Variants in CPLANE1 observed in about 807,000 individuals in gnomAD.
CPLANE1 encodes the protein ciliogenesis and planar polarity effector 1.
CPLANE1 carries 263 observed loss-of-function variants against 362.5 expected under a neutral mutation model. That is an observed-to-expected ratio of 0.73 (90% confidence interval 0.66 to 0.80). The LOEUF (loss-of-function observed/expected upper bound fraction) is 0.80, where lower values mean the gene tolerates loss of function less well. Among genes scored for constraint, CPLANE1 ranks in the 30% least tolerant of loss-of-function variants. CPLANE1 has a pLI of 0.00. For missense variants in CPLANE1, 3,461 were observed against 3,793.4 expected (o/e 0.91, Z 2.30); for synonymous variants, 1,212 against 1,302.6 (o/e 0.93, Z 1.50).
At chr5:37,155,185 TC>T (rs1347954950) in intron 41 of CPLANE1, among the ~76,000 whole-genome samples, 1 of 152,196 alleles carries the variant, frequency 6.6e-6, no homozygotes, top group Admixed American at 6.6e-5. Flanking sequence ...GAAATCATGT[TC>T]CTTTTCTGTC....
At chr5:37,177,264 T>C (rs1049806854) in intron 30 of CPLANE1, among the ~76,000 whole-genome samples, 3 of 152,184 alleles carry the variant, frequency 2.0e-5, no homozygotes, top group Admixed American at 2.0e-4. Context: ...TATACATACA[T>C]AAAATAATTT....
In CPLANE1 at chr5:37,181,019, T is replaced by C. The variant is rs765729071; in HGVS notation, c.5422-14A>G. On this transcript the variant is annotated splice_polypyrimidine_tract_variant and intron_variant, in intron 26 of 52. Transcript: ENST00000651892. ...ATTCTCTACCATCTAAAGCAAACCATTTAAAGTATTTAGTATTTATTGAAC... is the reference window on the plus strand; with the variant it reads ...ATTCTCTACCATCTAAAGCAAACCACTTAAAGTATTTAGTATTTATTGAAC... 2.5e-6 allele frequency: 4 copies of C among 1,607,326 alleles called. 1 individual carries two copies. Among genetic ancestry groups the C allele is most frequent in the South Asian group, 2.2e-5 (2 of 90,608 alleles).
Position 37,170,467 on chromosome 5 carries a change from G to A in CPLANE1, c.6172-136C>T, listed in dbSNP as rs1779471510. On this transcript the variant is annotated intron_variant, in intron 32 of 52. Transcript: ENST00000651892. ...CTATGAGAATCATGAATGCTGAGCAGGAGGCAGTCAGGGAAATTTTTTTTT... is the reference window on the plus strand; with the variant it reads ...CTATGAGAATCATGAATGCTGAGCAAGAGGCAGTCAGGGAAATTTTTTTTT... 15 of 956,730 alleles carry A rather than the reference G, an allele frequency of 1.6e-5. No homozygotes were observed. In the South Asian group the frequency reaches 2.7e-4, roughly 17 times the overall value. The allele number at this position is 956,730 out of a possible 1,614,324, so 59.3% of individuals were successfully genotyped here.
At chr5:37,222,443 A>G (rs1389944813) in intron 14 of CPLANE1, among the ~76,000 whole-genome samples, 1 of 152,150 alleles carries the variant, frequency 6.6e-6, no homozygotes, top group Non-Finnish European at 1.5e-5. Flanking sequence ...CAGAAAAACT[A>G]AAGGAGCCTG....
intron 36 of CPLANE1, among the ~76,000 whole-genome samples, chr5:37,164,884 C>G (rs146680927): frequency 6.6e-6 from 1 of 152,148 alleles, no homozygotes; most frequent in African/African-American, 2.4e-5. Context: ...GTGGAAGGAT[C>G]ACTTGAGGTC....
chr5:37,181,170 T>A (rs528966872), intron 26 of CPLANE1, among the ~76,000 whole-genome samples, 165 bp from the exon 27 acceptor site: 2 of 152,336 alleles, frequency 1.3e-5, no homozygotes, highest in African/African-American at 4.8e-5. Context: ...GAAGCAATGA[T>A]CAAGTCTTTA....
At chr5:37,090,060 T>C in the CPLANE1 span, among the ~76,000 whole-genome samples, 38 of 152,216 alleles carry the variant, frequency 2.5e-4, no homozygotes, top group Non-Finnish European at 4.9e-4. Flanking sequence ...CTTGGAAATA[T>C]CTTGGGTACG....
the CPLANE1 span, among the ~76,000 whole-genome samples, chr5:37,076,929 C>A: frequency 6.6e-6 from 1 of 150,544 alleles, no homozygotes; most frequent in Admixed American, 6.6e-5. Flanking sequence ...GTAGGCTCTA[C>A]TCTGGGCAGT....
intron 51 of CPLANE1, among the ~76,000 whole-genome samples, chr5:37,109,776 C>G (rs1321974584): frequency 6.6e-6 from 1 of 152,200 alleles, no homozygotes; most frequent in African/African-American, 2.4e-5. Context: ...CCTGCCTCAG[C>G]CTCCCAAGTA....
At chr5:37,115,185 C>T in intron 50 of CPLANE1, 136 bp from the exon 51 acceptor site, 1 of 624,890 alleles carries the variant, frequency 1.6e-6, no homozygotes, top group Non-Finnish European at 2.8e-6. Context: ...AGTAGGGGCC[C>T]AGTAAATGGT....
At chr5:37,176,825 C>T (rs1781281699) in intron 30 of CPLANE1, among the ~76,000 whole-genome samples, 1 of 148,804 alleles carries the variant, frequency 6.7e-6, no homozygotes, top group Non-Finnish European at 1.5e-5. Flanking sequence ...GTGGCCTGAT[C>T]TCGGCTCACT....
At chr5:37,172,626 G>GTT (rs1459928127) in intron 32 of CPLANE1, among the ~76,000 whole-genome samples, 1 of 152,176 alleles carries the variant, frequency 6.6e-6, no homozygotes, top group Non-Finnish European at 1.5e-5. Flanking sequence ...ATTAGTTTCA[G>GTT]TAAGTTTCAT....
chr5:37,125,293 G>C lies in CPLANE1; in HGVS notation c.8909C>G (p.Ala2970Gly). The C allele has an allele frequency of 1.2e-6, 2 of 1,613,842 alleles. No individual in the cohort carries two copies. Among genetic ancestry groups the C allele is most frequent in the South Asian group, 2.2e-5 (2 of 91,056 alleles). ...ATCATGTTCTTGCCCTCTCTTTTCT[G>C]CCAGCTCATTTAAGTACTTTGCCAT... is the stretch of plus-strand genomic sequence containing the variant. ...ERMAKYLNEL[A>G]EKRGQEHDPF... Residue 2970 changes from alanine (A) to glycine (G), a missense_variant, in exon 47 of 53, where the codon GCA (alanine) becomes GGA (glycine). By Grantham distance (60) the Ala-to-Gly change is moderately conservative (BLOSUM62 0). This residue lies in a region of CPLANE1 where 3,380 missense variants were observed against 3,666.1 expected (regional missense o/e 0.92). Coordinates refer to ENST00000651892, the MANE Select transcript of CPLANE1 (RefSeq NM_001384732.1).
the CPLANE1 span, among the ~76,000 whole-genome samples, chr5:37,076,596 G>GCCA: frequency 3.9e-5 from 6 of 152,004 alleles, no homozygotes. Context: ...ACAGGCATGA[G>GCCA]CCACCACACC....
the CPLANE1 span, chr5:37,085,863 G>A: frequency 1.9e-6 from 2 of 1,076,464 alleles, no homozygotes; most frequent in Admixed American, 1.8e-5. Context: ...AATGGTCCCT[G>A]GGTGACGTGT....
At chr5:37,096,102 A>T in the CPLANE1 span, among the ~76,000 whole-genome samples, 2 of 152,210 alleles carry the variant, frequency 1.3e-5, no homozygotes, top group Admixed American at 1.3e-4. Context: ...GGAACCAAAA[A>T]AGAGCCCACA....
At chr5:37,136,638 G>C (rs1767791573) in intron 46 of CPLANE1, among the ~76,000 whole-genome samples, 1 of 152,200 alleles carries the variant, frequency 6.6e-6, no homozygotes. Flanking sequence ...CTCCATGATA[G>C]CTATACCCTT....
chr5:37,140,554 A>G (rs567693561), intron 44 of CPLANE1: 8 of 985,416 alleles, frequency 8.1e-6, no homozygotes, highest in East Asian at 1.1e-4. Flanking sequence ...TACTTAGGAA[A>G]GAGAAGGTCC....
intron 13 of CPLANE1, 59 bp downstream of exon 13, chr5:37,224,471 CAA>C: frequency 2.2e-6 from 3 of 1,351,046 alleles, no homozygotes; most frequent in African/African-American, 1.5e-5. Flanking sequence ...ATTAGAAATT[CAA>C]AGTCTGGTTA....
Sources: gnomAD v4.1 joint callset for allele counts (sites outside exome capture counted in the v4.1 genomes callset) on GRCh38, gnomAD v4.1.1 for gene constraint, gnomAD v4.1.1 regional missense constraint, MANE v1.5 for transcripts, NCBI Gene and HGNC (gene_info 2026-07-23, HGNC 2026-07-21) for gene names.